The following FHOD3 variants were observed in gnomAD, a reference collection of about 807,000 sequenced individuals.
The protein encoded by FHOD3 is formin homology 2 domain containing 3.
A neutral mutation model predicts 173.0 loss-of-function variants in FHOD3; 90 were observed. That is an observed-to-expected ratio of 0.52 (90% CI 0.44 to 0.62). The LOEUF is 0.62. FHOD3 is among the 20% of genes least tolerant of loss of function. The probability of loss-of-function intolerance (pLI) is 0.00; values close to 1 mark genes in which losing one functional copy is unlikely to be tolerated. For missense variants in FHOD3, 1,945 were observed against 2,034.7 expected, an observed-to-expected ratio of 0.96 and a Z score of 0.85; for synonymous variants, 828 against 823.0, an observed-to-expected ratio of 1.01 and a Z score of -0.10.
intron 1 of FHOD3, among the ~76,000 whole-genome samples, chr18:36,306,911 A>C (rs770446542): frequency 5.3e-5 from 8 of 152,176 alleles, no homozygotes; most frequent in Admixed American, 2.0e-4. Flanking sequence ...TTCATGTATC[A>C]TAGTGACCAG....
At chr18:36,477,601 A>G (rs917623945) in intron 3 of FHOD3, among the ~76,000 whole-genome samples, 1 of 148,034 alleles carries the variant, frequency 6.8e-6, no homozygotes, top group Non-Finnish European at 1.5e-5. Flanking sequence ...CTACCTACCT[A>G]TCTACCTATC....
chr18:36,579,722 G>A (rs2058776662), intron 6 of FHOD3, among the ~76,000 whole-genome samples: 1 of 152,196 alleles, frequency 6.6e-6, no homozygotes, highest in East Asian at 1.9e-4. Context: ...TGGATGCAGA[G>A]AGACTGGGCC....
intron 6 of FHOD3, among the ~76,000 whole-genome samples, chr18:36,589,729 C>A (rs2059148943): frequency 6.6e-6 from 1 of 152,306 alleles, no homozygotes; most frequent in South Asian, 2.1e-4. Context: ...AATCTACTCC[C>A]TCTCCACCAG....
intron 5 of FHOD3, among the ~76,000 whole-genome samples, chr18:36,521,611 C>T (rs2056278248): frequency 6.6e-6 from 1 of 152,162 alleles, no homozygotes; most frequent in African/African-American, 2.4e-5. Context: ...GAGTTCAGAT[C>T]ATCATTTGTT....
At chr18:36,370,014 G>A (rs1307304560) in intron 2 of FHOD3, among the ~76,000 whole-genome samples, 7 of 152,198 alleles carry the variant, frequency 4.6e-5, no homozygotes, top group Non-Finnish European at 2.9e-5. Flanking sequence ...GGACACAGAA[G>A]TAGTACCTAC....
chr18:36,732,393 AC>A (rs1308786791), intron 20 of FHOD3, among the ~76,000 whole-genome samples: 1 of 152,042 alleles, frequency 6.6e-6, no homozygotes, highest in Non-Finnish European at 1.5e-5. Flanking sequence ...AGAAACATAC[AC>A]CCCCTGTTCC....
At position 36,594,853 on chromosome 18, in the gene FHOD3, G is replaced by T; in HGVS notation, c.673G>T (p.Ala225Ser). 1.4e-5 allele frequency: 22 copies of T among 1,613,858 alleles called. No homozygotes were observed. Among genetic ancestry groups the T allele is most frequent in the Non-Finnish European group, 1.8e-5 (21 of 1,179,910 alleles). ...LVFVEYSESN[A>S]PLLIQAVTAV... The stretch of plus-strand genomic sequence containing the variant: ...CTTTGTAGAGTACTCGGAGTCCAAC[G>T]CACCTCTCCTAATTCAGGCTGTCAC... Residue 225 changes from alanine (A) to serine (S), a missense_variant, in exon 7 of 29, where the codon GCA (alanine) becomes TCA (serine). Transcript: ENST00000590592.
At chr18:36,385,911 A>C (rs2048009258) in intron 3 of FHOD3, among the ~76,000 whole-genome samples, 1 of 152,234 alleles carries the variant, frequency 6.6e-6, no homozygotes. Flanking sequence ...TCCTGAGTGC[A>C]CATGACCAGG....
rs577205114 is a variant in FHOD3 at position 36,336,595 on chromosome 18, G to A, written c.166-18944G>A. 1.1e-3 allele frequency among the ~76,000 whole-genome samples: 168 copies of A among 152,106 alleles called. 1 individual carries two copies. Among genetic ancestry groups the A allele is most frequent in the Non-Finnish European group, 1.6e-3 (111 of 68,002 alleles). The stretch of plus-strand genomic sequence containing the variant: ...CTCAAGCCTGTAATCCCAGCACTTT[G>A]GGAGTCCGAGGCGGGCAGATCACCT... On this transcript the variant is annotated intron_variant, in intron 1 of 28. Coordinates refer to ENST00000590592, the MANE Select transcript of FHOD3 (RefSeq NM_001281740.3).
intron 20 of FHOD3, among the ~76,000 whole-genome samples, chr18:36,733,990 G>T (rs1436037621): frequency 6.6e-6 from 1 of 152,156 alleles, no homozygotes; most frequent in Non-Finnish European, 1.5e-5. Flanking sequence ...GGGCCCTCCA[G>T]GCCTGGGTTT....
chr18:36,684,964 T>A (rs1229312751), intron 15 of FHOD3, among the ~76,000 whole-genome samples: 1 of 152,100 alleles, frequency 6.6e-6, no homozygotes, highest in Non-Finnish European at 1.5e-5. Flanking sequence ...ATGGGACTAC[T>A]GGCTAATTTT....
chr18:36,694,928 T>C (rs540723743), intron 17 of FHOD3, among the ~76,000 whole-genome samples: 2 of 152,134 alleles, frequency 1.3e-5, no homozygotes, highest in Non-Finnish European at 2.9e-5. Flanking sequence ...CAAAAGAATA[T>C]TTCAGCTTCA....
At chr18:36,720,917 G>C (rs1452816455) in intron 19 of FHOD3, among the ~76,000 whole-genome samples, 1 of 152,098 alleles carries the variant, frequency 6.6e-6, no homozygotes, top group African/African-American at 2.4e-5. Context: ...GAATAAAATG[G>C]AGTAAAAGTA....
At chr18:36,393,738 G>A (rs1298304762) in intron 3 of FHOD3, among the ~76,000 whole-genome samples, 3 of 152,170 alleles carry the variant, frequency 2.0e-5, no homozygotes, top group Non-Finnish European at 4.4e-5. Context: ...TCTCTAAGCA[G>A]CTTAAGGAAA....
chr18:36,419,262 G>A lies in FHOD3; in HGVS notation c.337+46518G>A, dbSNP rs565204790. Among the ~76,000 whole-genome samples, 24 of 151,896 alleles carry A rather than the reference G, an allele frequency of 1.6e-4. No individual in the cohort carries two copies. The South Asian group carries it at 4.6e-3, about 29-fold the overall frequency. ...CTTACTTTGAGCTGTGCAGGCAAAAGGAATTATTCCACTTTTCTCTATTTG... is the reference window on the plus strand; with the variant it reads ...CTTACTTTGAGCTGTGCAGGCAAAAAGAATTATTCCACTTTTCTCTATTTG... On this transcript the variant is annotated intron_variant, in intron 3 of 28. Coordinates refer to ENST00000590592, the MANE Select transcript of FHOD3 (RefSeq NM_001281740.3).
intron 5 of FHOD3, among the ~76,000 whole-genome samples, chr18:36,529,381 C>T (rs1228269118): frequency 6.6e-6 from 1 of 152,156 alleles, no homozygotes; most frequent in Non-Finnish European, 1.5e-5. Flanking sequence ...GGAACAGTCT[C>T]CTTGAGTAAC....
At chr18:36,544,177 A>G (rs1473516788) in intron 5 of FHOD3, among the ~76,000 whole-genome samples, 1 of 152,150 alleles carries the variant, frequency 6.6e-6, no homozygotes, top group East Asian at 1.9e-4. Flanking sequence ...GTTAGAAACG[A>G]AGGCAGGGCT....
At chr18:36,529,556 C>A (rs62082327) in intron 5 of FHOD3, among the ~76,000 whole-genome samples, 2 of 151,806 alleles carry the variant, frequency 1.3e-5, no homozygotes, top group African/African-American at 2.4e-5. Flanking sequence ...CGGTGGCTCA[C>A]GCCTGTAATC....
intron 1 of FHOD3, among the ~76,000 whole-genome samples, chr18:36,300,017 G>A (rs2091917170): frequency 6.6e-6 from 1 of 152,176 alleles, no homozygotes; most frequent in South Asian, 2.1e-4. Flanking sequence ...AAAATTGGAT[G>A]ATCCACCTTG....
Sources: allele counts gnomAD v4.1 joint callset (sites outside exome capture counted in the v4.1 genomes callset), GRCh38; gene constraint gnomAD v4.1.1; transcripts MANE v1.5; gene names NCBI Gene and HGNC (gene_info 2026-07-23, HGNC 2026-07-21).